Variants in NAALADL2 observed in about 807,000 individuals in gnomAD.
NAALADL2 encodes inactive N-acetylated-alpha-linked acidic dipeptidase-like protein 2.
NAALADL2 carries 76 observed loss-of-function variants against 87.2 expected under a neutral mutation model. The ratio of observed to expected loss-of-function variants is 0.87; its 90% CI spans 0.72 to 1.05. The LOEUF is 1.05. Ranked by LOEUF, NAALADL2 falls within the 50% of genes least tolerant of loss-of-function variation. The probability of loss-of-function intolerance (pLI) is 0.00; values close to 1 mark genes in which losing one functional copy is unlikely to be tolerated. For synonymous variants in NAALADL2, 354 were observed against 331.0 expected (o/e 1.07, Z -0.75); for missense variants, 1,089 against 945.8 (o/e 1.15, Z -1.99).
chr3:174,834,590 A>G (rs1044718368), intron 3 of NAALADL2, among the ~76,000 whole-genome samples: 1 of 152,026 alleles, frequency 6.6e-6, no homozygotes, highest in Non-Finnish European at 1.5e-5. Flanking sequence ...TAATAAGCAA[A>G]TTTAGCAAAG....
intron 9 of NAALADL2, among the ~76,000 whole-genome samples, chr3:175,569,902 A>G (rs1271430828): frequency 7.6e-6 from 1 of 130,784 alleles, no homozygotes; most frequent in Non-Finnish European, 1.7e-5. Flanking sequence ...AGTAATATAT[A>G]ACTATATGAA....
intron 1 of NAALADL2, among the ~76,000 whole-genome samples, chr3:174,478,410 A>G (rs1471028022): frequency 1.3e-5 from 2 of 152,120 alleles, no homozygotes; most frequent in Non-Finnish European, 2.9e-5. Flanking sequence ...TTTGCTATTT[A>G]TATGCATGAT....
In NAALADL2 at chr3:175,147,868, G is replaced by A. The variant is rs138348453; in HGVS notation, c.545+50577G>A. On this transcript the variant is annotated intron_variant, in intron 2 of 13. Transcript: ENST00000454872. ...GTGGAAAGCCTGAGGTCAGGAGTTC[G>A]AGACAAGCCTGACCAACATGGTGAA... 1.7e-3 allele frequency among the ~76,000 whole-genome samples: 265 copies of A among 151,948 alleles called. 3 individuals are homozygous for A. The highest frequency in any genetic ancestry group is 3.0e-3 in the Admixed American group (46 of 15,228).
At chr3:174,650,170 G>T (rs1724212348) in intron 2 of NAALADL2, among the ~76,000 whole-genome samples, 1 of 152,022 alleles carries the variant, frequency 6.6e-6, no homozygotes, top group African/African-American at 2.4e-5. Context: ...TTGGGTAGAA[G>T]ATTTTAACCT....
At chr3:175,636,777 C>T (rs368573844) in intron 11 of NAALADL2, among the ~76,000 whole-genome samples, 3 of 151,618 alleles carry the variant, frequency 2.0e-5, no homozygotes. Context: ...ATGTGAGGAG[C>T]TCTGTAAGCA....
chr3:174,707,373 A>G (rs1730182304), intron 2 of NAALADL2, among the ~76,000 whole-genome samples: 1 of 152,188 alleles, frequency 6.6e-6, no homozygotes. Context: ...AATATTCACA[A>G]TAGCAAAGAC....
intron 1 of NAALADL2, among the ~76,000 whole-genome samples, chr3:174,524,097 T>C (rs948108541): frequency 3.3e-5 from 5 of 152,182 alleles, no homozygotes; most frequent in Admixed American, 2.6e-4. Flanking sequence ...CTGTGTTTTA[T>C]GATTGTGCAT....
intron 10 of NAALADL2, among the ~76,000 whole-genome samples, chr3:175,621,045 G>A (rs1234040746): frequency 2.0e-5 from 3 of 152,172 alleles, no homozygotes; most frequent in Non-Finnish European, 4.4e-5. Context: ...TGGTTAAAAA[G>A]CATTATTCGG....
intron 13 of NAALADL2, among the ~76,000 whole-genome samples, chr3:175,780,422 T>G (rs1283108447): frequency 6.6e-6 from 1 of 152,122 alleles, no homozygotes; most frequent in Non-Finnish European, 1.5e-5. Context: ...ATACATGTAT[T>G]TTTACATAAA....
chr3:174,879,455 C>T (rs1399973460), intron 1 of NAALADL2, among the ~76,000 whole-genome samples: 1 of 152,032 alleles, frequency 6.6e-6, no homozygotes, highest in African/African-American at 2.4e-5. Context: ...ATTATGGCCT[C>T]AAAACATACA....
intron 1 of NAALADL2, among the ~76,000 whole-genome samples, chr3:175,076,555 C>T (rs371072933): frequency 1.8e-4 from 28 of 152,144 alleles, no homozygotes; most frequent in Admixed American, 8.5e-4. Context: ...GGGAAAATGA[C>T]GACCCTGCTA....
At chr3:175,257,462 A>C (rs11919799) in intron 4 of NAALADL2, among the ~76,000 whole-genome samples, 11,113 of 152,030 alleles carry the variant, frequency 0.073, 613 homozygotes, top group African/African-American at 0.15. Context: ...GATACTCTTG[A>C]AAACAGAATA....
At chr3:175,057,472 A>G (rs80196046) in intron 1 of NAALADL2, among the ~76,000 whole-genome samples, 3,120 of 152,302 alleles carry the variant, frequency 0.02, 48 homozygotes, top group Admixed American at 0.031. Flanking sequence ...AGAAAGTTAC[A>G]GTGATGTAGG....
intron 3 of NAALADL2, among the ~76,000 whole-genome samples, chr3:175,241,589 A>G (rs1191306370): frequency 6.6e-6 from 1 of 152,178 alleles, no homozygotes; most frequent in Non-Finnish European, 1.5e-5. Context: ...AAGAAGATAT[A>G]TATTTTCCCT....
At chr3:175,658,586 A>G (rs1731818184) in intron 11 of NAALADL2, among the ~76,000 whole-genome samples, 2 of 152,170 alleles carry the variant, frequency 1.3e-5, no homozygotes, top group Admixed American at 1.3e-4. Context: ...TTCTTTCCAA[A>G]ACAAGGAACA....
At chr3:175,258,265 G>C (rs148442526) in intron 4 of NAALADL2, among the ~76,000 whole-genome samples, 1 of 140,980 alleles carries the variant, frequency 7.1e-6, no homozygotes, top group Non-Finnish European at 1.5e-5. Context: ...CCGAGATCAC[G>C]CCACTGCACT....
chr3:174,802,272 A>C (rs947751234), intron 3 of NAALADL2, among the ~76,000 whole-genome samples: 1 of 152,192 alleles, frequency 6.6e-6, no homozygotes, highest in African/African-American at 2.4e-5. Flanking sequence ...AAAGCCTGTC[A>C]ACAAACATTA....
chr3:174,952,556 A>T (rs1312398444), intron 1 of NAALADL2, among the ~76,000 whole-genome samples: 7 of 152,116 alleles, frequency 4.6e-5, no homozygotes, highest in Non-Finnish European at 5.9e-5. Context: ...ACACTACTAG[A>T]AAATGGACCA....
At position 174,850,440 on chromosome 3, in the gene NAALADL2, C is replaced by T. The variant is rs115827111; in HGVS notation, c.-9+112694C>T. 5.5e-3 allele frequency among the ~76,000 whole-genome samples: 832 copies of T among 152,000 alleles called. 6 individuals carry two copies. Among genetic ancestry groups the T allele is most frequent in the African/African-American group, 0.019 (769 of 41,482 alleles). ...ATGAAGGGATAGAAAATATATTCAACGCTAATAGAAACCAAAAAAGAGCAG... is the reference window on the plus strand; with the variant it reads ...ATGAAGGGATAGAAAATATATTCAATGCTAATAGAAACCAAAAAAGAGCAG... On this transcript the variant is annotated intron_variant, in intron 3 of 3. Transcript: ENST00000434257.
Sources: allele counts gnomAD v4.1 joint callset (sites outside exome capture counted in the v4.1 genomes callset), GRCh38; gene constraint gnomAD v4.1.1; transcripts MANE v1.5; gene names NCBI Gene and HGNC (gene_info 2026-07-23, HGNC 2026-07-21).